SLC25A21: variants seen among roughly 807,000 people sequenced by gnomAD.
SLC25A21 encodes the protein mitochondrial 2-oxodicarboxylate carrier.
In SLC25A21, 47 loss-of-function variants were observed where a neutral mutation model predicts 43.8. The ratio of observed to expected loss-of-function variants is 1.07; its 90% confidence interval spans 0.85 to 1.37. The LOEUF is 1.37. Among genes scored for constraint, SLC25A21 ranks in the 40% most tolerant of loss-of-function variants. The pLI is 0.00. For synonymous variants in SLC25A21, 131 were observed against 121.3 expected (o/e 1.08, Z -0.52); for missense variants, 352 against 350.2 (o/e 1.00, Z -0.04).
intron 1 of SLC25A21, among the ~76,000 whole-genome samples, chr14:37,129,645 G>C (rs1193902404): frequency 6.7e-6 from 1 of 149,408 alleles, no homozygotes; most frequent in Non-Finnish European, 1.5e-5. Flanking sequence ...TTAAAACATT[G>C]TGTTAAATAA....
chr14:37,064,652 A>G (rs1332786145), intron 1 of SLC25A21, among the ~76,000 whole-genome samples: 1 of 152,106 alleles, frequency 6.6e-6, no homozygotes, highest in Non-Finnish European at 1.5e-5. Flanking sequence ...CAGTTATTCT[A>G]TCATTTTTGC....
chr14:36,850,067 G>A (rs1889675744), intron 2 of SLC25A21, among the ~76,000 whole-genome samples: 1 of 152,054 alleles, frequency 6.6e-6, no homozygotes, highest in South Asian at 2.1e-4. Context: ...GAAGTGCTGT[G>A]ATAAGAGAAA....
At chr14:37,098,949 T>C (rs955447122) in intron 1 of SLC25A21, among the ~76,000 whole-genome samples, 5 of 152,010 alleles carry the variant, frequency 3.3e-5, no homozygotes, top group Admixed American at 3.3e-4. Context: ...ATTACAGGCA[T>C]GCACAACTGC....
chr14:36,933,309 G>A (rs1356572037), intron 1 of SLC25A21, among the ~76,000 whole-genome samples: 3 of 152,006 alleles, frequency 2.0e-5, no homozygotes, highest in African/African-American at 7.2e-5. Flanking sequence ...ATCTTCTTTC[G>A]ATTGCAGTTT....
At chr14:37,012,533 T>C (rs797003459) in intron 1 of SLC25A21, among the ~76,000 whole-genome samples, 27 of 152,302 alleles carry the variant, frequency 1.8e-4, no homozygotes, top group African/African-American at 6.0e-4. Flanking sequence ...ATCTCAATTA[T>C]CACAGAAAAT....
At chr14:37,131,451 G>A (rs1963390397) in intron 1 of SLC25A21, among the ~76,000 whole-genome samples, 1 of 152,198 alleles carries the variant, frequency 6.6e-6, no homozygotes, top group Non-Finnish European at 1.5e-5. Context: ...TTGTCTGTCA[G>A]CAGGCAGATA....
intron 7 of SLC25A21, among the ~76,000 whole-genome samples, chr14:36,707,402 T>A (rs1472730659): frequency 6.6e-6 from 1 of 152,108 alleles, no homozygotes; most frequent in Non-Finnish European, 1.5e-5. Context: ...TAAATATGGG[T>A]TCAATGATGA....
At chr14:36,690,539 A>G (rs1882753916) in intron 7 of SLC25A21, among the ~76,000 whole-genome samples, 1 of 152,156 alleles carries the variant, frequency 6.6e-6, no homozygotes, top group Non-Finnish European at 1.5e-5. Flanking sequence ...TGATTCATTC[A>G]TTGTGAATCC....
At chr14:36,803,686 T>C (rs914970114) in intron 3 of SLC25A21, among the ~76,000 whole-genome samples, 1 of 152,182 alleles carries the variant, frequency 6.6e-6, no homozygotes, top group Non-Finnish European at 1.5e-5. Context: ...ATGAGCTGTT[T>C]ATCAGCAGGA....
intron 2 of SLC25A21, among the ~76,000 whole-genome samples, chr14:36,850,757 A>C (rs921277027): frequency 1.3e-5 from 2 of 152,168 alleles, no homozygotes; most frequent in Non-Finnish European, 2.9e-5. Context: ...TCTCCAAATG[A>C]ATTTTAACAC....
intron 6 of SLC25A21, among the ~76,000 whole-genome samples, chr14:36,713,500 G>A (rs893846803): frequency 2.0e-5 from 3 of 152,118 alleles, no homozygotes; most frequent in Admixed American, 1.3e-4. Context: ...GCTTTGTTGA[G>A]TTCGGACTCT....
chr14:36,961,500 T>C (rs529769214), intron 1 of SLC25A21, among the ~76,000 whole-genome samples: 8 of 152,296 alleles, frequency 5.3e-5, no homozygotes, highest in Admixed American at 4.6e-4. Flanking sequence ...ACCACTATTA[T>C]ACAAGACCTG....
intron 1 of SLC25A21, among the ~76,000 whole-genome samples, chr14:37,119,496 G>T (rs1963166549): frequency 1.3e-5 from 2 of 152,226 alleles, no homozygotes; most frequent in South Asian, 4.1e-4. Context: ...GATGGAGGTT[G>T]CAGTAAGCCA....
chr14:37,131,026 A>T (rs1441199350), intron 1 of SLC25A21, among the ~76,000 whole-genome samples: 7 of 152,192 alleles, frequency 4.6e-5, no homozygotes, highest in African/African-American at 9.7e-5. Context: ...ATCAGAGAGA[A>T]AAACAAGGGG....
intron 2 of SLC25A21, among the ~76,000 whole-genome samples, chr14:36,847,583 C>T (rs991076828): frequency 1.5e-4 from 23 of 152,168 alleles, no homozygotes; most frequent in African/African-American, 4.8e-4. Context: ...ATCTGAGGAG[C>T]GTTGAAAGAT....
intron 2 of SLC25A21, among the ~76,000 whole-genome samples, chr14:36,847,767 G>C (rs1462998457): frequency 1.3e-5 from 2 of 152,238 alleles, no homozygotes. Context: ...AGGTGGGAAA[G>C]ACTGGAGTTG....
intron 1 of SLC25A21, among the ~76,000 whole-genome samples, chr14:37,135,447 C>T (rs1041277963): frequency 6.6e-6 from 1 of 151,928 alleles, no homozygotes; most frequent in Non-Finnish European, 1.5e-5. Flanking sequence ...GGCTGGTCTC[C>T]AACTCCTAGG....
intron 7 of SLC25A21, among the ~76,000 whole-genome samples, chr14:36,706,600 C>T (rs907689206): frequency 2.0e-5 from 3 of 152,152 alleles, no homozygotes; most frequent in African/African-American, 7.2e-5. Context: ...TCCATAAGCC[C>T]ATTCCTCTTT....
intron 3 of SLC25A21, among the ~76,000 whole-genome samples, chr14:36,790,574 A>T (rs1887450370): frequency 1.3e-5 from 2 of 152,170 alleles, no homozygotes; most frequent in African/African-American, 4.8e-5. Context: ...TGTTCTACTC[A>T]TACTATTTAA....
Sources: gnomAD v4.1 joint callset for allele counts (sites outside exome capture counted in the v4.1 genomes callset) on GRCh38, gnomAD v4.1.1 for gene constraint, MANE v1.5 for transcripts, NCBI Gene and HGNC (gene_info 2026-07-23, HGNC 2026-07-21) for gene names.